The following SH3RF3 variants were observed in gnomAD, a reference collection of about 807,000 sequenced individuals.
SH3RF3 encodes the protein SH3 domain containing ring finger 3.
Under a neutral mutation model 66.3 loss-of-function variants are expected in SH3RF3, and 29 were observed. The observed-to-expected ratio is 0.44, with a 90% confidence interval of 0.33 to 0.60. SH3RF3 has a LOEUF of 0.60. Among genes scored for constraint, SH3RF3 ranks in the 20% least tolerant of loss-of-function variants. SH3RF3 has a pLI of 0.04. For synonymous variants in SH3RF3, 583 were observed against 532.0 expected (o/e 1.10, Z -1.32); for missense variants, 1,194 against 1,190.9 (o/e 1.00, Z -0.04).
chr2:109,133,969 T>G (rs1395134398), intron 1 of SH3RF3, among the ~76,000 whole-genome samples: 1 of 152,170 alleles, frequency 6.6e-6, no homozygotes, highest in Non-Finnish European at 1.5e-5. Flanking sequence ...TTAGTCCAGC[T>G]GGTCAGCTAG....
At chr2:109,426,130 A>T (rs1677023348) in intron 5 of SH3RF3, among the ~76,000 whole-genome samples, 1 of 152,182 alleles carries the variant, frequency 6.6e-6, no homozygotes, top group African/African-American at 2.4e-5. Flanking sequence ...GCTGGTGTCT[A>T]ACTCCTGACC....
chr2:109,422,908 C>G (rs1676920882), intron 5 of SH3RF3, among the ~76,000 whole-genome samples: 2 of 152,100 alleles, frequency 1.3e-5, no homozygotes, highest in African/African-American at 4.8e-5. Flanking sequence ...TCACCTACAG[C>G]AATGGAGGAG....
chr2:109,455,957 T>C (rs763791275), intron 8 of SH3RF3, among the ~76,000 whole-genome samples: 2 of 152,170 alleles, frequency 1.3e-5, no homozygotes, highest in Non-Finnish European at 2.9e-5. Context: ...CCAGAACTGA[T>C]TCACCCACGT....
intron 1 of SH3RF3, among the ~76,000 whole-genome samples, chr2:109,345,361 G>A (rs376413671): frequency 1.3e-5 from 2 of 152,158 alleles, no homozygotes; most frequent in African/African-American, 2.4e-5. Context: ...CAGATAGCAC[G>A]AGCCGGCCGC....
intron 1 of SH3RF3, among the ~76,000 whole-genome samples, chr2:109,309,865 G>C (rs1471077216): frequency 8.8e-6 from 1 of 114,032 alleles, no homozygotes; most frequent in African/African-American, 4.7e-5. Context: ...CCTACAAAGA[G>C]ACTTAGACTC....
chr2:109,130,370 C>T (rs903337375), intron 1 of SH3RF3, among the ~76,000 whole-genome samples: 1 of 152,234 alleles, frequency 6.6e-6, no homozygotes, highest in African/African-American at 2.4e-5. Flanking sequence ...CCCCCGATTC[C>T]TTGGCCGGAC....
intron 8 of SH3RF3, among the ~76,000 whole-genome samples, chr2:109,485,916 A>G (rs1678964673): frequency 6.6e-6 from 1 of 152,100 alleles, no homozygotes; most frequent in Non-Finnish European, 1.5e-5. Context: ...TCTCCTACAC[A>G]CCTACCAGCA....
intron 2 of SH3RF3, among the ~76,000 whole-genome samples, chr2:109,362,559 T>A (rs992553847): frequency 3.3e-5 from 5 of 152,198 alleles, no homozygotes; most frequent in Non-Finnish European, 5.9e-5. Context: ...TGAGATATTA[T>A]GTGGATGTCA....
rs1261826997 is a variant in SH3RF3, at chr2:109,357,718, T to A, written c.849+9769T>A. Among the ~76,000 whole-genome samples the A allele has an allele frequency of 2.6e-5, 4 of 152,322 alleles. No homozygotes were observed. The East Asian group carries it at 7.7e-4, about 29-fold the overall frequency. ...TTGTAGGGCACTGTAGTTTGCTCAT[T>A]TTCATTGCTCTGTGGTGCTATTTTA... On this transcript the variant is annotated intron_variant, in intron 2 of 9. Transcript: ENST00000309415.
At chr2:109,146,221 T>G (rs1677091671) in intron 1 of SH3RF3, among the ~76,000 whole-genome samples, 1 of 152,294 alleles carries the variant, frequency 6.6e-6, no homozygotes, top group Admixed American at 6.5e-5. Context: ...TAACACTTGT[T>G]GGTCACTTAG....
intron 4 of SH3RF3, 67 bp downstream of exon 4, chr2:109,399,010 C>A: frequency 6.8e-7 from 1 of 1,461,390 alleles, no homozygotes; most frequent in Non-Finnish European, 9.2e-7. Context: ...GCTCCGTGTT[C>A]AGTGTCCCCC....
intron 8 of SH3RF3, among the ~76,000 whole-genome samples, chr2:109,486,778 C>T (rs1224169007): frequency 6.6e-6 from 1 of 152,112 alleles, no homozygotes; most frequent in East Asian, 1.9e-4. Flanking sequence ...GTGGGGAGGG[C>T]CTTCCAGAAG....
intron 5 of SH3RF3, among the ~76,000 whole-genome samples, chr2:109,422,036 TTAACTC>T (rs1676896143): frequency 6.6e-6 from 1 of 152,240 alleles, no homozygotes; most frequent in Non-Finnish European, 1.5e-5. Context: ...CCTATCCTCT[TTAACTC>T]TAAGAAGCTA....
rs145729225 is a variant in SH3RF3 at position 109,161,085 on chromosome 2, G to A, written c.573+30972G>A. ...GGGTGCTTGTGATCACAAGGCAATC[G>A]ACTGTTCATTTAGAAGAGAAGCCGT... On this transcript the variant is annotated intron_variant, in intron 1 of 9. Transcript: ENST00000309415. 4.7e-4 allele frequency among the ~76,000 whole-genome samples: 71 copies of A among 152,282 alleles called. 1 individual carries two copies. The highest frequency in any genetic ancestry group is 1.6e-3 in the African/African-American group (65 of 41,552).
intron 3 of SH3RF3, among the ~76,000 whole-genome samples, chr2:109,375,314 ACT>A (rs1481690656): frequency 1.3e-5 from 2 of 151,866 alleles, no homozygotes; most frequent in South Asian, 2.1e-4. Flanking sequence ...GAAGTGAGAA[ACT>A]CTCCTGCGGC....
Position 109,320,540 on chromosome 2 carries a change from A to G in SH3RF3, c.574-27134A>G, listed in dbSNP as rs373215350. On this transcript the variant is annotated intron_variant, in intron 1 of 9. Coordinates refer to ENST00000309415, the MANE Select transcript of SH3RF3 (RefSeq NM_001099289.3). ...GGAGGCTGTCCTACCTGCTGGATAC[A>G]TGTTTGTTATCTGGGAGAAGTTTAG... Among the ~76,000 whole-genome samples, 45 of 152,296 alleles carry G rather than the reference A, an allele frequency of 3.0e-4. 1 individual carries two copies. Among genetic ancestry groups the G allele is most frequent in the East Asian group, 2.1e-3 (11 of 5,178 alleles).
chr2:109,136,727 T>A (rs534941481), intron 1 of SH3RF3, among the ~76,000 whole-genome samples: 1 of 152,332 alleles, frequency 6.6e-6, no homozygotes, highest in African/African-American at 2.4e-5. Context: ...CATTTCCACT[T>A]AATGTAATGT....
intron 7 of SH3RF3, among the ~76,000 whole-genome samples, chr2:109,438,726 G>T (rs976187841): frequency 2.6e-5 from 4 of 152,158 alleles, no homozygotes; most frequent in East Asian, 1.9e-4. Flanking sequence ...TTTTCTGGTA[G>T]CCTCTAGCTG....
At chr2:109,359,559 T>C (rs947617500) in intron 2 of SH3RF3, among the ~76,000 whole-genome samples, 2 of 152,228 alleles carry the variant, frequency 1.3e-5, no homozygotes, top group African/African-American at 4.8e-5. Flanking sequence ...TTATACCTAA[T>C]GTAAATTGTA....
Sources: gnomAD v4.1 joint callset for allele counts (sites outside exome capture counted in the v4.1 genomes callset) on GRCh38, gnomAD v4.1.1 for gene constraint, MANE v1.5 for transcripts, NCBI Gene and HGNC (gene_info 2026-07-23, HGNC 2026-07-21) for gene names.